PCDH7: variants seen among roughly 807,000 people sequenced by gnomAD.
The protein encoded by PCDH7 is protocadherin-7.
In PCDH7, 17 loss-of-function variants were observed where a neutral mutation model predicts 58.9. The ratio of observed to expected loss-of-function variants is 0.29; its 90% CI spans 0.20 to 0.43. The LOEUF (loss-of-function observed/expected upper bound fraction) is 0.43, where lower values mean the gene tolerates loss of function less well. Ranked by LOEUF, PCDH7 falls within the 20% of genes least tolerant of loss-of-function variation. PCDH7 has a pLI of 1.00. For missense variants in PCDH7, 1,274 were observed against 1,441.0 expected (o/e 0.88, Z 1.88); for synonymous variants, 664 against 616.4 (o/e 1.08, Z -1.14).
At chr4:30,850,253 C>T (rs73812633) in intron 1 of PCDH7, among the ~76,000 whole-genome samples, 2,175 of 152,174 alleles carry the variant, frequency 0.014, 47 homozygotes, top group African/African-American at 0.05. Flanking sequence ...AATGACTGTG[C>T]TCAGTCTTCA....
chr4:30,899,756 T>C (rs1345081105), intron 1 of PCDH7, among the ~76,000 whole-genome samples: 1 of 151,982 alleles, frequency 6.6e-6, no homozygotes, highest in Non-Finnish European at 1.5e-5. Flanking sequence ...TCACCACATA[T>C]GTGTGTTTGT....
At chr4:31,095,379 A>G (rs1467957739) in intron 3 of PCDH7, among the ~76,000 whole-genome samples, 2 of 152,120 alleles carry the variant, frequency 1.3e-5, no homozygotes, top group Non-Finnish European at 2.9e-5. Flanking sequence ...AAGCGTTTTT[A>G]TAGCTTTTCT....
At chr4:30,807,474 G>C (rs529598636) in intron 1 of PCDH7, among the ~76,000 whole-genome samples, 2 of 152,126 alleles carry the variant, frequency 1.3e-5, no homozygotes, top group African/African-American at 4.8e-5. Flanking sequence ...ACTGTTTTAC[G>C]GTGACAGCAG....
At position 30,722,534 on chromosome 4, in the gene PCDH7, A is replaced by G. The variant is rs1713827079; in HGVS notation, c.1112A>G (p.His371Arg). 1 of 1,612,114 alleles carries G rather than the reference A, an allele frequency of 6.2e-7. No homozygotes were observed. The highest frequency in any genetic ancestry group is 8.5e-7 in the Non-Finnish European group (1 of 1,179,788). Residue 371 changes from histidine to arginine, a missense_variant, in exon 1 of 2, where the codon CAC becomes CGC. Coordinates refer to ENST00000361762, the Ensembl canonical transcript of PCDH7. The surrounding 1 kb of genome is among the most constrained non-coding windows in gnomAD (Gnocchi z 7.6). ...ACGTCCGGCTGGCTCAGCGTCCTGC[A>G]CCGGATCGACCGCGAGGAGGTGAAC...
At chr4:30,902,920 T>A (rs577295800) in intron 1 of PCDH7, among the ~76,000 whole-genome samples, 28 of 152,218 alleles carry the variant, frequency 1.8e-4, no homozygotes, top group African/African-American at 6.5e-4. Flanking sequence ...ACCATTTTTC[T>A]CAAGAAAAGG....
At chr4:30,962,610 G>C (rs1013446117) in intron 3 of PCDH7, among the ~76,000 whole-genome samples, 9 of 151,576 alleles carry the variant, frequency 5.9e-5, no homozygotes, top group African/African-American at 1.7e-4. Context: ...AGCATAAGGA[G>C]ACTCCATCTC....
intron 3 of PCDH7, among the ~76,000 whole-genome samples, chr4:31,041,764 A>G (rs1036069343): frequency 5.9e-5 from 9 of 152,136 alleles, no homozygotes; most frequent in Non-Finnish European, 7.4e-5. Context: ...CTTTATGATG[A>G]AGATGCAGAA....
chr4:30,898,580 G>C (rs1456848789), intron 1 of PCDH7, among the ~76,000 whole-genome samples: 1 of 152,268 alleles, frequency 6.6e-6, no homozygotes, highest in Non-Finnish European at 1.5e-5. Flanking sequence ...ATCTTGAGGT[G>C]TAGATGGAGC....
chr4:30,868,316 G>A (rs1171117592), intron 1 of PCDH7, among the ~76,000 whole-genome samples: 1 of 152,054 alleles, frequency 6.6e-6, no homozygotes, highest in Admixed American at 6.6e-5. Flanking sequence ...TTGCATGCTA[G>A]CATCATACAA....
intron 3 of PCDH7, among the ~76,000 whole-genome samples, chr4:31,096,310 CTT>C (rs1334582844): frequency 6.6e-6 from 1 of 152,002 alleles, no homozygotes; most frequent in Non-Finnish European, 1.5e-5. Context: ...TGAGTCACCT[CTT>C]TAATATAGAA....
chr4:30,801,994 A>T (rs1404975105), intron 1 of PCDH7, among the ~76,000 whole-genome samples: 1 of 152,180 alleles, frequency 6.6e-6, no homozygotes, highest in Non-Finnish European at 1.5e-5. Context: ...TACCAGGCTA[A>T]ATTCCGTGGG....
At chr4:30,802,167 G>T (rs1048838720) in intron 1 of PCDH7, among the ~76,000 whole-genome samples, 5 of 152,154 alleles carry the variant, frequency 3.3e-5, no homozygotes, top group Admixed American at 2.0e-4. Context: ...TCAAATTCAC[G>T]CAGGTTAGTA....
chr4:30,776,743 AC>A (rs1227866572), intron 1 of PCDH7, among the ~76,000 whole-genome samples: 3 of 152,154 alleles, frequency 2.0e-5, no homozygotes, highest in African/African-American at 7.2e-5. Flanking sequence ...TTTCACAAGA[AC>A]AAAGTGGTGC....
chr4:30,972,566 A>T (rs1224090285), intron 3 of PCDH7, among the ~76,000 whole-genome samples: 1 of 152,216 alleles, frequency 6.6e-6, no homozygotes, highest in African/African-American at 2.4e-5. Context: ...AGCCTCTTAC[A>T]AAGAGTGAGG....
intron 3 of PCDH7, among the ~76,000 whole-genome samples, chr4:30,964,237 TA>T (rs1353568324): frequency 1.7e-4 from 10 of 60,276 alleles, no homozygotes; most frequent in African/African-American, 1.5e-3. Flanking sequence ...TTTATTTATT[TA>T]TTTATTTATT....
intron 3 of PCDH7, among the ~76,000 whole-genome samples, chr4:31,082,913 C>T (rs1196199885): frequency 2.6e-5 from 4 of 152,218 alleles, no homozygotes; most frequent in East Asian, 1.9e-4. Flanking sequence ...TCGAGACCAT[C>T]CTGGCTAACA....
chr4:30,932,357 T>C (rs888879368), intron 2 of PCDH7, among the ~76,000 whole-genome samples: 1 of 152,220 alleles, frequency 6.6e-6, no homozygotes, highest in Admixed American at 6.5e-5. Context: ...ATACTAATAA[T>C]GATTTGTCAG....
intron 3 of PCDH7, among the ~76,000 whole-genome samples, chr4:31,035,205 A>G (rs1406615895): frequency 1.3e-5 from 2 of 150,640 alleles, no homozygotes; most frequent in African/African-American, 2.4e-5. Context: ...CATCAATTCA[A>G]TATGACCTCA....
chr4:30,924,265 T>C (rs1743560844), intron 2 of PCDH7, among the ~76,000 whole-genome samples: 1 of 152,210 alleles, frequency 6.6e-6, no homozygotes, highest in Admixed American at 6.5e-5. Context: ...GAAAACACCT[T>C]GCTTGGCTTC....
Sources: allele counts gnomAD v4.1 joint callset (sites outside exome capture counted in the v4.1 genomes callset), GRCh38; gene constraint gnomAD v4.1.1; non-coding constraint Gnocchi (gnomAD v3.1); transcripts MANE v1.5; gene names NCBI Gene and HGNC (gene_info 2026-07-23, HGNC 2026-07-21).